Variants in SIPA1L1 observed in about 807,000 individuals in gnomAD.
SIPA1L1 encodes signal-induced proliferation-associated 1-like protein 1.
A neutral mutation model predicts 162.7 loss-of-function variants in SIPA1L1; 26 were observed. The ratio of observed to expected loss-of-function variants is 0.16; its 90% CI spans 0.12 to 0.22. The LOEUF (loss-of-function observed/expected upper bound fraction) is 0.22, where lower values mean the gene tolerates loss of function less well. Ranked by LOEUF, SIPA1L1 falls within the 10% of genes least tolerant of loss-of-function variation. The probability of loss-of-function intolerance (pLI) is 1.00; values close to 1 mark genes in which losing one functional copy is unlikely to be tolerated. For missense variants in SIPA1L1, 1,874 were observed against 2,241.0 expected (o/e 0.84, Z 3.31); for synonymous variants, 829 against 837.4 (o/e 0.99, Z 0.17).
At chr14:71,443,174 G>T (rs2045051895) in intron 2 of SIPA1L1, among the ~76,000 whole-genome samples, 1 of 152,020 alleles carries the variant, frequency 6.6e-6, no homozygotes, top group Non-Finnish European at 1.5e-5. Flanking sequence ...TTTTTATTCT[G>T]TAAGAAATCT....
chr14:71,704,634 C>T, intron 15 of SIPA1L1: 1 of 892,064 alleles, frequency 1.1e-6, no homozygotes. Context: ...ACTTTTGGAA[C>T]CCCATCTTGA....
intron 7 of SIPA1L1, 80 bp downstream of exon 7, chr14:71,624,316 G>T: frequency 8.3e-7 from 1 of 1,201,070 alleles, no homozygotes; most frequent in East Asian, 2.5e-5. Context: ...AATGTTTCTT[G>T]TTTTGATGGA....
chr14:71,590,032 AAAAAAAAAAAAAATATAT>A (rs1293682256), intron 5 of SIPA1L1, among the ~76,000 whole-genome samples: 130 of 64,480 alleles, frequency 2.0e-3, no homozygotes, highest in Admixed American at 4.7e-3. Context: ...AAAAAAAAAA[AAAAAAAAAAAAAATATAT>A]ATATATATAT....
At chr14:71,622,356 G>A (rs966349379) in intron 6 of SIPA1L1, among the ~76,000 whole-genome samples, 1 of 152,146 alleles carries the variant, frequency 6.6e-6, no homozygotes, top group African/African-American at 2.4e-5. Context: ...TCTTATTTCT[G>A]GAAGTCATTA....
intron 7 of SIPA1L1, 58 bp from the exon 8 acceptor site, chr14:71,650,277 G>T: frequency 1.3e-6 from 2 of 1,578,972 alleles, no homozygotes; most frequent in South Asian, 2.2e-5. Flanking sequence ...TTTAGCATTT[G>T]ACTGGGACAA....
chr14:71,490,551 A>C (rs2049159939), intron 2 of SIPA1L1, among the ~76,000 whole-genome samples: 1 of 152,190 alleles, frequency 6.6e-6, no homozygotes, highest in Non-Finnish European at 1.5e-5. Context: ...AAGAGGATGT[A>C]TTGTCCATGT....
chr14:71,424,438 G>A (rs915557006), intron 2 of SIPA1L1, among the ~76,000 whole-genome samples: 1 of 152,034 alleles, frequency 6.6e-6, no homozygotes, highest in African/African-American at 2.4e-5. Flanking sequence ...TTATTTTATT[G>A]AGGTAGTTTC....
At chr14:71,547,229 A>C (rs1226557272) in intron 4 of SIPA1L1, among the ~76,000 whole-genome samples, 1 of 151,392 alleles carries the variant, frequency 6.6e-6, no homozygotes, top group East Asian at 1.9e-4. Context: ...TTTTTTGTTC[A>C]TATGTGTCTT....
intron 14 of SIPA1L1, among the ~76,000 whole-genome samples, chr14:71,700,675 A>G (rs2082015035): frequency 6.6e-6 from 1 of 152,194 alleles, no homozygotes. Context: ...AGCATTTGTG[A>G]AACAGTAACT....
intron 4 of SIPA1L1, among the ~76,000 whole-genome samples, chr14:71,533,402 G>T (rs972184312): frequency 6.6e-6 from 1 of 152,100 alleles, no homozygotes; most frequent in African/African-American, 2.4e-5. Context: ...TCCCAGCGCT[G>T]TGTCTGCTCT....
chr14:71,361,217 A>G (rs1295192189), intron 2 of SIPA1L1, among the ~76,000 whole-genome samples: 1 of 152,162 alleles, frequency 6.6e-6, no homozygotes, highest in Non-Finnish European at 1.5e-5. Flanking sequence ...ATACTCCAAA[A>G]TGTAGTTTTC....
intron 7 of SIPA1L1, among the ~76,000 whole-genome samples, chr14:71,639,994 C>T (rs1437089997): frequency 6.6e-6 from 1 of 152,134 alleles, no homozygotes; most frequent in Non-Finnish European, 1.5e-5. Context: ...ACCTCCGCCT[C>T]CCAGATTCAA....
In SIPA1L1 at chr14:71,399,814, G is replaced by A. The variant is rs781256307; in HGVS notation, c.-465+78633G>A. 2.6e-5 allele frequency among the ~76,000 whole-genome samples: 4 copies of A among 151,740 alleles called. No individual in the cohort carries two copies. The East Asian group carries it at 7.8e-4, about 29-fold the overall frequency. Reference sequence around the variant, plus strand: ...TCGACTCACTGCAACCCCACCTCTCGGGTTCAAGCGATTCTCCTGCCTCAG... The same window carrying A: ...TCGACTCACTGCAACCCCACCTCTCAGGTTCAAGCGATTCTCCTGCCTCAG... On this transcript the variant is annotated intron_variant, in intron 2 of 23. Coordinates refer to ENST00000381232, the MANE Select transcript of SIPA1L1 (RefSeq NM_001386936.1).
intron 7 of SIPA1L1, among the ~76,000 whole-genome samples, chr14:71,645,299 G>A (rs2042062661): frequency 6.6e-6 from 1 of 152,066 alleles, no homozygotes; most frequent in South Asian, 2.1e-4. Flanking sequence ...CTGTTAATTG[G>A]CAATCTTAAG....
Position 71,709,640 on chromosome 14 carries a change from T to TAAAC in SIPA1L1, c.4185_4188dup (p.Asp1397LysfsTer29). The TAAAC allele has an allele frequency of 6.2e-7, 1 of 1,613,276 alleles. No homozygotes were observed. Among genetic ancestry groups the TAAAC allele is most frequent in the Non-Finnish European group, 8.5e-7 (1 of 1,179,346 alleles). On this transcript the variant is annotated frameshift_variant, in exon 17 of 24. Coordinates refer to ENST00000381232, the MANE Select transcript of SIPA1L1 (RefSeq NM_001386936.1). LOFTEE classifies it high-confidence loss of function. Reference sequence around the variant, plus strand: ...ACAAGGGAGAACAGCACCTTCAGTATAAACGATGCTGCTTCCCACACAAGG... The same window carrying TAAAC: ...ACAAGGGAGAACAGCACCTTCAGTATAAACAAACGATGCTGCTTCCCACACAAGG...
At chr14:71,737,229 C>T (rs1055929410) in intron 22 of SIPA1L1, among the ~76,000 whole-genome samples, 2 of 152,188 alleles carry the variant, frequency 1.3e-5, no homozygotes, top group Non-Finnish European at 2.9e-5. Context: ...AAGACATCAA[C>T]ACAGTTCATC....
At chr14:71,357,687 A>C (rs1219575557) in intron 2 of SIPA1L1, among the ~76,000 whole-genome samples, 1 of 152,120 alleles carries the variant, frequency 6.6e-6, no homozygotes, top group Non-Finnish European at 1.5e-5. Flanking sequence ...TCAGCCTGCC[A>C]AGTAGTTGGT....
At chr14:71,665,015 T>C (rs532422105) in intron 10 of SIPA1L1, among the ~76,000 whole-genome samples, 26 of 152,260 alleles carry the variant, frequency 1.7e-4, no homozygotes, top group African/African-American at 6.3e-4. Context: ...GGCCTACTAA[T>C]GCAGAAAAGA....
chr14:71,517,838 C>T (rs943481353), intron 3 of SIPA1L1, among the ~76,000 whole-genome samples: 4 of 151,994 alleles, frequency 2.6e-5, no homozygotes, highest in Admixed American at 1.3e-4. Context: ...ATTTTTCTCT[C>T]GGATTGTTTA....
Sources: allele counts gnomAD v4.1 joint callset (sites outside exome capture counted in the v4.1 genomes callset), GRCh38; gene constraint gnomAD v4.1.1; transcripts MANE v1.5; gene names NCBI Gene and HGNC (gene_info 2026-07-23, HGNC 2026-07-21).